HS3ST5: variants seen among roughly 807,000 people sequenced by gnomAD.
The protein encoded by HS3ST5 is heparan sulfate glucosamine 3-O-sulfotransferase 5.
In HS3ST5, 10 loss-of-function variants were observed where a neutral mutation model predicts 25.4. The observed-to-expected ratio is 0.39, with a 90% CI of 0.24 to 0.67. HS3ST5 has a LOEUF of 0.67. HS3ST5 is among the 30% of genes least tolerant of loss of function. The pLI is 0.44. For missense variants in HS3ST5, 324 were observed against 420.7 expected (o/e 0.77, Z 2.01); for synonymous variants, 170 against 162.4 (o/e 1.05, Z -0.36).
intron 3 of HS3ST5, among the ~76,000 whole-genome samples, chr6:114,063,575 C>T: frequency 6.6e-6 from 1 of 151,480 alleles, no homozygotes; most frequent in East Asian, 1.9e-4. Context: ...AAACTGAAGG[C>T]TCTGCTTCAG....
rs10457271 is a variant in HS3ST5, at chr6:114,137,589, T to C, written c.-33+30762A>G. ...CCTTTTTCAGGTGTCCATTCAAAAGTTGTCAAGTTGTGTCTCTCCTGAAGT... is the reference window on the plus strand; with the variant it reads ...CCTTTTTCAGGTGTCCATTCAAAAGCTGTCAAGTTGTGTCTCTCCTGAAGT... On this transcript the variant is annotated intron_variant, in intron 3 of 4. Transcript: ENST00000312719. Among the ~76,000 whole-genome samples, 153 of 152,228 alleles carry C rather than the reference T, an allele frequency of 1.0e-3. 1 individual carries two copies. Among genetic ancestry groups the C allele is most frequent in the Non-Finnish European group, 1.9e-3 (132 of 68,012 alleles).
At chr6:114,224,197 T>A (rs1262532769) in intron 2 of HS3ST5, among the ~76,000 whole-genome samples, 3 of 151,672 alleles carry the variant, frequency 2.0e-5, no homozygotes, top group Admixed American at 2.0e-4. Flanking sequence ...ATTGGTTGTA[T>A]ACTTGTATAA....
chr6:114,316,338 C>A (rs1206769190), intron 1 of HS3ST5, among the ~76,000 whole-genome samples: 1 of 152,122 alleles, frequency 6.6e-6, no homozygotes, highest in Non-Finnish European at 1.5e-5. Flanking sequence ...TTGCAATAAA[C>A]CAATGATGCA....
At chr6:114,204,986 C>G (rs1165737927) in intron 2 of HS3ST5, among the ~76,000 whole-genome samples, 1 of 152,162 alleles carries the variant, frequency 6.6e-6, no homozygotes, top group Non-Finnish European at 1.5e-5. Context: ...CATGCACACT[C>G]CATATGCCTT....
chr6:114,191,099 T>A (rs1292530072), intron 2 of HS3ST5, among the ~76,000 whole-genome samples: 3 of 152,148 alleles, frequency 2.0e-5, no homozygotes, highest in African/African-American at 7.2e-5. Flanking sequence ...TCTAATAATA[T>A]TAAGCATAGA....
chr6:114,154,525 T>G (rs1778606961), intron 3 of HS3ST5, among the ~76,000 whole-genome samples: 2 of 152,172 alleles, frequency 1.3e-5, no homozygotes, highest in Admixed American at 6.5e-5. Context: ...AAAAAAGACT[T>G]AGATTAGATG....
chr6:114,166,317 C>A (rs953282722), intron 3 of HS3ST5, among the ~76,000 whole-genome samples: 1 of 152,142 alleles, frequency 6.6e-6, no homozygotes, highest in Non-Finnish European at 1.5e-5. Context: ...CATCCCAGCA[C>A]AGTGCTCAGT....
intron 1 of HS3ST5, among the ~76,000 whole-genome samples, chr6:114,274,107 G>A (rs191445283): frequency 2.3e-3 from 357 of 152,108 alleles, no homozygotes; most frequent in African/African-American, 8.1e-3. Context: ...GGTGGCCTCA[G>A]GTAGAAGCAT....
At chr6:114,179,636 A>G (rs1779870841) in intron 2 of HS3ST5, among the ~76,000 whole-genome samples, 1 of 149,982 alleles carries the variant, frequency 6.7e-6, no homozygotes. Flanking sequence ...TCTCTTGTAA[A>G]CCCTTGTATT....
At chr6:114,067,917 C>T (rs1773557968) in intron 3 of HS3ST5, among the ~76,000 whole-genome samples, 1 of 152,000 alleles carries the variant, frequency 6.6e-6, no homozygotes, top group African/African-American at 2.4e-5. Context: ...TTTTTCTCAT[C>T]CATAAAATTA....
chr6:114,203,656 C>G (rs1781132396), intron 2 of HS3ST5, among the ~76,000 whole-genome samples: 1 of 152,108 alleles, frequency 6.6e-6, no homozygotes, highest in African/African-American at 2.4e-5. Context: ...TGACTACTCC[C>G]CCTCCCCTGA....
intron 2 of HS3ST5, among the ~76,000 whole-genome samples, chr6:114,176,573 A>C (rs1328031671): frequency 6.6e-6 from 1 of 152,166 alleles, no homozygotes; most frequent in African/African-American, 2.4e-5. Context: ...ATGCATGCTT[A>C]CCTACAGGTT....
intron 3 of HS3ST5, among the ~76,000 whole-genome samples, chr6:114,117,743 C>G (rs1776598822): frequency 6.6e-6 from 1 of 152,084 alleles, no homozygotes; most frequent in African/African-American, 2.4e-5. Context: ...TCAAGCAGGC[C>G]AGATATAATC....
intron 3 of HS3ST5, among the ~76,000 whole-genome samples, chr6:114,122,056 C>T (rs1776814846): frequency 6.6e-6 from 1 of 152,168 alleles, no homozygotes; most frequent in Non-Finnish European, 1.5e-5. Flanking sequence ...CTGACCCAGT[C>T]CAGACATCAC....
At chr6:114,286,068 C>T (rs1406969655) in intron 1 of HS3ST5, among the ~76,000 whole-genome samples, 1 of 151,706 alleles carries the variant, frequency 6.6e-6, no homozygotes, top group Non-Finnish European at 1.5e-5. Flanking sequence ...GGTTGGATAA[C>T]AAGTGATACT....
At chr6:114,192,475 G>C (rs1012152432) in intron 2 of HS3ST5, among the ~76,000 whole-genome samples, 1 of 152,068 alleles carries the variant, frequency 6.6e-6, no homozygotes, top group African/African-American at 2.4e-5. Flanking sequence ...ACTTTGTTTT[G>C]CCTAGCTTTT....
At chr6:114,082,110 A>G (rs1277703752) in intron 3 of HS3ST5, among the ~76,000 whole-genome samples, 1 of 152,204 alleles carries the variant, frequency 6.6e-6, no homozygotes, top group African/African-American at 2.4e-5. Flanking sequence ...TCCTTCTGCC[A>G]GAAGTAGAAT....
intron 4 of HS3ST5, chr6:114,059,581 A>C (rs12196433): frequency 0.42 from 63,527 of 151,792 alleles, 14,231 homozygotes; most frequent in African/African-American, 0.58. Context: ...GGGTGTATTT[A>C]CCCCTTGTTT....
intron 1 of HS3ST5, among the ~76,000 whole-genome samples, chr6:114,229,014 A>T (rs1014611580): frequency 1.3e-5 from 2 of 152,120 alleles, no homozygotes; most frequent in African/African-American, 4.8e-5. Flanking sequence ...TTTTCTACAC[A>T]TTGCATCAGG....
Sources: allele counts gnomAD v4.1 joint callset (sites outside exome capture counted in the v4.1 genomes callset), GRCh38; gene constraint gnomAD v4.1.1; transcripts MANE v1.5; gene names NCBI Gene and HGNC (gene_info 2026-07-23, HGNC 2026-07-21).